Variants in CEMIP observed in about 807,000 individuals in gnomAD.
CEMIP encodes cell migration-inducing and hyaluronan-binding protein.
A neutral mutation model predicts 156.9 loss-of-function variants in CEMIP; 105 were observed. That is an observed-to-expected ratio of 0.67 (90% CI 0.57 to 0.79). CEMIP has a LOEUF of 0.79. Ranked by LOEUF, CEMIP falls within the 30% of genes least tolerant of loss-of-function variation. The pLI is 0.00. For synonymous variants in CEMIP, 676 were observed against 668.4 expected (o/e 1.01, Z -0.17); for missense variants, 1,457 against 1,769.4 (o/e 0.82, Z 3.17).
At chr15:80,891,893 C>T (rs1169964998) in intron 10 of CEMIP, among the ~76,000 whole-genome samples, 2 of 152,204 alleles carry the variant, frequency 1.3e-5, no homozygotes, top group African/African-American at 4.8e-5. Flanking sequence ...AAAAACAAAG[C>T]CAGTCTTTCC....
At chr15:80,899,051 A>G (rs1479868588) in intron 12 of CEMIP, among the ~76,000 whole-genome samples, 3 of 152,146 alleles carry the variant, frequency 2.0e-5, no homozygotes, top group African/African-American at 7.2e-5. Flanking sequence ...CGTCTCTACT[A>G]AAAATACAAA....
chr15:80,820,370 C>G (rs1056766911), intron 1 of CEMIP, among the ~76,000 whole-genome samples: 1 of 152,178 alleles, frequency 6.6e-6, no homozygotes, highest in African/African-American at 2.4e-5. Flanking sequence ...TTTCTGAGGA[C>G]TGGTAGCATA....
chr15:80,921,773 T>C (rs529812727), intron 16 of CEMIP, among the ~76,000 whole-genome samples: 1 of 152,336 alleles, frequency 6.6e-6, no homozygotes, highest in East Asian at 1.9e-4. Flanking sequence ...TTCTGAGCCA[T>C]GTCTGATAGA....
chr15:80,884,414 C>T, intron 7 of CEMIP, 60 bp downstream of exon 7: 1 of 1,560,898 alleles, frequency 6.4e-7, no homozygotes, highest in South Asian at 1.1e-5. Context: ...CTCTATCCCA[C>T]TGAGAATTTA....
intron 3 of CEMIP, 38 bp downstream of exon 3, chr15:80,874,011 A>G (rs372782495): frequency 1.6e-5 from 24 of 1,526,442 alleles, no homozygotes; most frequent in Non-Finnish European, 2.1e-5. Flanking sequence ...GTATCTCAGC[A>G]TGGAAGGCAC....
intron 1 of CEMIP, among the ~76,000 whole-genome samples, chr15:80,814,300 T>C (rs1810050): frequency 1 from 151,868 of 152,064 alleles, 75,838 homozygotes; most frequent in Middle Eastern, 1. Flanking sequence ...CCACCCGCCT[T>C]GGCCTCCCAA....
chr15:80,878,999 TTGTC>T, intron 4 of CEMIP, 132 bp downstream of exon 4: 7 of 1,183,064 alleles, frequency 5.9e-6, no homozygotes, highest in Non-Finnish European at 8.7e-6. Flanking sequence ...TGGCATTTGG[TTGTC>T]TGAGATAACC....
chr15:80,879,038 G>A (rs187543930), intron 4 of CEMIP, among the ~76,000 whole-genome samples, 171 bp downstream of exon 4: 6 of 152,294 alleles, frequency 3.9e-5, no homozygotes, highest in South Asian at 2.1e-4. Context: ...GTTAGGAATG[G>A]CTTGTCGGAG....
chr15:80,804,497 G>T (rs1269377993), intron 1 of CEMIP, among the ~76,000 whole-genome samples: 1 of 152,148 alleles, frequency 6.6e-6, no homozygotes, highest in Non-Finnish European at 1.5e-5. Context: ...TGACTCTTCT[G>T]AACTTCAGTT....
chr15:80,794,380 T>C (rs1896161692), intron 1 of CEMIP, among the ~76,000 whole-genome samples: 1 of 152,192 alleles, frequency 6.6e-6, no homozygotes, highest in African/African-American at 2.4e-5. Flanking sequence ...CAGAGGCTGC[T>C]AGGCTCTGGG....
chr15:80,943,113 A>G lies in CEMIP; in HGVS notation c.3857+11A>G. The G allele has an allele frequency of 6.2e-7, 1 of 1,614,054 alleles. No individual in the cohort carries two copies. Among genetic ancestry groups the G allele is most frequent in the East Asian group, 2.2e-5 (1 of 44,880 alleles). On this transcript the variant is annotated intron_variant, in intron 28 of 29. Transcript: ENST00000394685. ...GACCATCCCTGACAAGTGAGTCTGT[A>G]CCTCTGCTTCTGGAATTGGCTGCTG...
At position 80,906,897 on chromosome 15, in the gene CEMIP, C is replaced by A; in HGVS notation, c.1587+59C>A. The stretch of plus-strand genomic sequence containing the variant: ...ACCAGGAGAGTTCCTATGATGTCAG[C>A]CTCTAGACGGGCCTTCTTGGTAGGG... On this transcript the variant is annotated intron_variant, in intron 13 of 29. Coordinates refer to ENST00000394685, the MANE Select transcript of CEMIP (RefSeq NM_001293298.2). This position sits in a 1 kb window ranked among gnomAD's most constrained non-coding sequence, Gnocchi z 4.3. 1 of 1,537,342 alleles carries A rather than the reference C, an allele frequency of 6.5e-7. No homozygotes were observed. The highest frequency in any genetic ancestry group is 8.8e-7 in the Non-Finnish European group (1 of 1,130,438).
At chr15:80,887,542 G>A in intron 7 of CEMIP, 152 bp from the exon 8 acceptor site, 2 of 688,574 alleles carry the variant, frequency 2.9e-6, no homozygotes, top group Non-Finnish European at 5.3e-6. Flanking sequence ...CTGGAGAAGA[G>A]AAGCCCAGCA....
At chr15:80,868,050 T>G (rs1898178427) in intron 1 of CEMIP, among the ~76,000 whole-genome samples, 2 of 152,142 alleles carry the variant, frequency 1.3e-5, no homozygotes, top group African/African-American at 2.4e-5. Context: ...TCCACAAAGA[T>G]AGACTTTTGG....
rs1400149344 is a variant in CEMIP, at chr15:80,932,614, T to C, written c.2793+575T>C. ...TTCAGGTTATGGATTCCCAGACTTT[T>C]CCCTCCTTCTCCTCCCTGCTCCTGC... On this transcript the variant is annotated intron_variant, in intron 22 of 29. Coordinates refer to ENST00000394685, the MANE Select transcript of CEMIP (RefSeq NM_001293298.2). The surrounding 1 kb of genome is among the most constrained non-coding windows in gnomAD (Gnocchi z 4.5). Among the ~76,000 whole-genome samples, 1 of 152,122 alleles carries C rather than the reference T, an allele frequency of 6.6e-6. No homozygotes were observed. Among genetic ancestry groups the C allele is most frequent in the East Asian group, 1.9e-4 (1 of 5,188 alleles).
intron 1 of CEMIP, among the ~76,000 whole-genome samples, chr15:80,826,936 A>G (rs1285149401): frequency 6.6e-6 from 1 of 152,186 alleles, no homozygotes; most frequent in Non-Finnish European, 1.5e-5. Flanking sequence ...TAACTCAAAA[A>G]CATTTTATGG....
chr15:80,819,326 G>A (rs879838510), intron 1 of CEMIP, among the ~76,000 whole-genome samples: 4 of 152,210 alleles, frequency 2.6e-5, no homozygotes, highest in African/African-American at 9.7e-5. Context: ...TCATGAGACA[G>A]GAAGTTGATT....
intron 3 of CEMIP, among the ~76,000 whole-genome samples, chr15:80,875,710 C>A (rs934348681): frequency 1.3e-5 from 2 of 152,188 alleles, no homozygotes; most frequent in Non-Finnish European, 2.9e-5. Flanking sequence ...CTCTCAATCC[C>A]GCTTCTGGTG....
rs139114606 is a variant in CEMIP, at chr15:80,814,241, G to A, written c.-176+34627G>A. On this transcript the variant is annotated intron_variant, in intron 1 of 29. Transcript: ENST00000394685. ...TTTTTTTGTATTTTTAGTAGAGACG[G>A]GGTTTCACCACGTTAGCCAGGATGG... Among the ~76,000 whole-genome samples the A allele has an allele frequency of 2.1e-4, 32 of 151,892 alleles. No individual in the cohort carries two copies. In the East Asian group the frequency reaches 6.2e-3, roughly 30 times the overall value.
Sources: allele counts gnomAD v4.1 joint callset (sites outside exome capture counted in the v4.1 genomes callset), GRCh38; gene constraint gnomAD v4.1.1; non-coding constraint Gnocchi (gnomAD v3.1); transcripts MANE v1.5; gene names NCBI Gene and HGNC (gene_info 2026-07-23, HGNC 2026-07-21).